The following L3MBTL4 variants were observed in gnomAD, a reference collection of about 807,000 sequenced individuals.
The protein encoded by L3MBTL4 is L3MBTL histone methyl-lysine binding protein 4.
L3MBTL4 carries 70 observed loss-of-function variants against 84.5 expected under a neutral mutation model. The observed-to-expected ratio is 0.83, with a 90% confidence interval of 0.68 to 1.01. The LOEUF (loss-of-function observed/expected upper bound fraction) is 1.01. Ranked by LOEUF, L3MBTL4 falls within the 50% of genes least tolerant of loss-of-function variation. The pLI is 0.00. For synonymous variants in L3MBTL4, 274 were observed against 259.8 expected (o/e 1.05, Z -0.52); for missense variants, 715 against 754.8 (o/e 0.95, Z 0.62).
chr18:6,162,466 G>C (rs1211255124), intron 13 of L3MBTL4, among the ~76,000 whole-genome samples: 1 of 152,180 alleles, frequency 6.6e-6, no homozygotes, highest in East Asian at 1.9e-4. Flanking sequence ...ATGTTGGCCA[G>C]CTGACTTTAT....
intron 5 of L3MBTL4, among the ~76,000 whole-genome samples, chr18:6,263,615 T>C (rs1006558125): frequency 6.6e-6 from 1 of 152,208 alleles, no homozygotes; most frequent in Non-Finnish European, 1.5e-5. Context: ...TGAGCATTTA[T>C]AGTATGCACA....
At chr18:6,397,492 A>G (rs1207021645) in intron 1 of L3MBTL4, 1 of 152,190 alleles carries the variant, frequency 6.6e-6, no homozygotes, top group Non-Finnish European at 1.5e-5. Flanking sequence ...AAATTGAAAA[A>G]TCTCTATCAA....
intron 16 of L3MBTL4, among the ~76,000 whole-genome samples, chr18:5,980,430 CTTTT>C (rs10664833): frequency 2.4e-5 from 3 of 123,018 alleles, no homozygotes; most frequent in Non-Finnish European, 1.6e-5. Context: ...TTAGTTTGCG[CTTTT>C]TTTTTTTTTT....
intron 16 of L3MBTL4, among the ~76,000 whole-genome samples, chr18:6,003,363 A>C (rs1327797087): frequency 6.6e-6 from 1 of 151,780 alleles, no homozygotes; most frequent in African/African-American, 2.4e-5. Context: ...AGATATAACA[A>C]TTATAAACAT....
chr18:6,205,700 A>ATT (rs2045846859), intron 12 of L3MBTL4, among the ~76,000 whole-genome samples: 1 of 152,178 alleles, frequency 6.6e-6, no homozygotes, highest in Non-Finnish European at 1.5e-5. Context: ...GGAAGAAGGA[A>ATT]TGGGGGAGAA....
At chr18:6,003,881 TAA>T (rs1567972013) in intron 16 of L3MBTL4, among the ~76,000 whole-genome samples, 2 of 152,010 alleles carry the variant, frequency 1.3e-5, no homozygotes, top group East Asian at 3.9e-4. Flanking sequence ...TAAACAATGA[TAA>T]GAGGCAGATT....
At position 5,974,971 on chromosome 18, in the gene L3MBTL4, GTTT is replaced by G. The variant is rs750189384; in HGVS notation, c.1445-5412_1445-5410del. Among the ~76,000 whole-genome samples, 8 of 142,216 alleles carry G rather than the reference GTTT, an allele frequency of 5.6e-5. No homozygotes were observed. The South Asian group carries it at 7.0e-4, about 12-fold the overall frequency. 93.3% of individuals were successfully genotyped at this position (142,216 alleles called of 152,430 possible). A position where few individuals can be genotyped will look rare whatever the true frequency, so the allele number is the denominator to read the frequency against. On this transcript the variant is annotated intron_variant, in intron 16 of 18. Coordinates refer to ENST00000317931, the MANE Select transcript of L3MBTL4 (RefSeq NM_001330559.2). ...AGAGAAACCCTGTCTCTATTGTTTT[GTTT>G]TTTTTTTTTAAAAAGAGGAAGAATA...
chr18:6,160,950 A>G (rs991893504), intron 13 of L3MBTL4, among the ~76,000 whole-genome samples: 17 of 152,344 alleles, frequency 1.1e-4, no homozygotes, highest in African/African-American at 3.1e-4. Context: ...GAAAATTTAC[A>G]TCAAGTGTGA....
intron 14 of L3MBTL4, among the ~76,000 whole-genome samples, chr18:6,121,226 G>T (rs2059514033): frequency 6.6e-6 from 1 of 152,124 alleles, no homozygotes; most frequent in Non-Finnish European, 1.5e-5. Flanking sequence ...ATTTACTTTG[G>T]ATTATTGCCC....
intron 16 of L3MBTL4, among the ~76,000 whole-genome samples, chr18:5,970,945 T>C (rs139769060): frequency 6.6e-6 from 1 of 152,320 alleles, no homozygotes; most frequent in Non-Finnish European, 1.5e-5. Flanking sequence ...CATCCTCATA[T>C]TTAACAGTGC....
At chr18:6,240,741 G>C (rs1296210332) in intron 8 of L3MBTL4, among the ~76,000 whole-genome samples, 1 of 152,118 alleles carries the variant, frequency 6.6e-6, no homozygotes, top group Non-Finnish European at 1.5e-5. Context: ...TTTAACGATT[G>C]TATAACACTG....
At chr18:6,051,996 G>T (rs751783815) in intron 16 of L3MBTL4, among the ~76,000 whole-genome samples, 23 of 152,142 alleles carry the variant, frequency 1.5e-4, no homozygotes, top group Non-Finnish European at 2.9e-4. Context: ...CAACATTGAT[G>T]GTGCGTCTTT....
At chr18:6,232,443 A>T (rs2047036842) in intron 10 of L3MBTL4, among the ~76,000 whole-genome samples, 1 of 151,990 alleles carries the variant, frequency 6.6e-6, no homozygotes, top group Non-Finnish European at 1.5e-5. Flanking sequence ...TTTTTTGGAA[A>T]AGTTTGAGAG....
chr18:5,962,695 A>C (rs1343032657), intron 17 of L3MBTL4, among the ~76,000 whole-genome samples: 1 of 152,228 alleles, frequency 6.6e-6, no homozygotes, highest in Middle Eastern at 3.2e-3. Context: ...ACTGAGGGCC[A>C]AGGACCACAG....
intron 1 of L3MBTL4, among the ~76,000 whole-genome samples, chr18:6,315,564 C>A (rs1256427350): frequency 1.3e-5 from 2 of 152,154 alleles, no homozygotes; most frequent in African/African-American, 2.4e-5. Flanking sequence ...GTAACTTGTC[C>A]AAGGTTATGC....
rs2048517340 is a variant in L3MBTL4, at chr18:6,263,936, C to T, written c.219+11G>A. On this transcript the variant is annotated intron_variant, in intron 5 of 18. Transcript: ENST00000317931. The stretch of plus-strand genomic sequence containing the variant: ...CTTCCTTGCAAAAATATAAGTCCTT[C>T]AGTGGCTGACCTTGGAAAACAGCTC... The T allele has an allele frequency of 1.9e-6, 3 of 1,599,900 alleles. No homozygotes were observed. The highest frequency in any genetic ancestry group is 2.6e-6 in the Non-Finnish European group (3 of 1,166,966).
intron 16 of L3MBTL4, among the ~76,000 whole-genome samples, chr18:6,046,500 T>C (rs1235925588): frequency 4.6e-5 from 7 of 152,134 alleles, no homozygotes; most frequent in African/African-American, 9.7e-5. Context: ...AACTACATGA[T>C]TGGCCATAAA....
chr18:6,329,675 A>G (rs1323401271), intron 1 of L3MBTL4, among the ~76,000 whole-genome samples: 3 of 152,134 alleles, frequency 2.0e-5, no homozygotes, highest in Non-Finnish European at 4.4e-5. Context: ...GTGCACAGGT[A>G]TGACATGGTG....
intron 16 of L3MBTL4, among the ~76,000 whole-genome samples, chr18:6,008,157 A>T (rs893816984): frequency 2.6e-5 from 4 of 152,106 alleles, no homozygotes; most frequent in Non-Finnish European, 4.4e-5. Context: ...CCCAATGGTA[A>T]GTGGCCACGG....
Sources: gnomAD v4.1 joint callset for allele counts (sites outside exome capture counted in the v4.1 genomes callset) on GRCh38, gnomAD v4.1.1 for gene constraint, MANE v1.5 for transcripts, NCBI Gene and HGNC (gene_info 2026-07-23, HGNC 2026-07-21) for gene names.